The following SCN8A variants were observed in gnomAD, a reference collection of about 807,000 sequenced individuals.
SCN8A encodes the protein sodium channel protein type 8 subunit alpha.
In SCN8A, 30 loss-of-function variants were observed where a neutral mutation model predicts 184.1. That is an observed-to-expected ratio of 0.16 (90% CI 0.12 to 0.22). SCN8A has a LOEUF of 0.22. Ranked by LOEUF, SCN8A falls within the 10% of genes least tolerant of loss-of-function variation. SCN8A has a pLI of 1.00. For synonymous variants in SCN8A, 852 were observed against 907.0 expected (o/e 0.94, Z 1.09); for missense variants, 1,057 against 2,498.9 (o/e 0.42, Z 12.30).
At chr12:51,713,730 A>G in intron 11 of SCN8A, 1 of 344,920 alleles carries the variant, frequency 2.9e-6, no homozygotes, top group East Asian at 4.6e-5. Context: ...AAGTATTTTA[A>G]TTGCTCTATT....
chr12:51,723,805 G>C (rs757746283), intron 12 of SCN8A, among the ~76,000 whole-genome samples: 1 of 151,732 alleles, frequency 6.6e-6, no homozygotes, highest in African/African-American at 2.4e-5. Flanking sequence ...CCAAGATTGC[G>C]CCACTGCACT....
At chr12:51,783,056 G>A (rs1466311822) in intron 21 of SCN8A, among the ~76,000 whole-genome samples, 1 of 152,180 alleles carries the variant, frequency 6.6e-6, no homozygotes, top group Non-Finnish European at 1.5e-5. Context: ...TGCATTAAGG[G>A]AAGCTTTGGA....
chr12:51,701,184 C>T lies in SCN8A; in HGVS notation c.969C>T (p.Leu323=), dbSNP rs1228065671. 3.1e-6 allele frequency: 5 copies of T among 1,611,324 alleles called. No homozygotes were observed. Among genetic ancestry groups the T allele is most frequent in the Non-Finnish European group, 4.2e-6 (5 of 1,178,740 alleles). ...TTCCTGGCATGCTGGAACCTTTACTCTGTGGGAACAGTTCTGATGCTGGGT... is the reference window on the plus strand; with the variant it reads ...TTCCTGGCATGCTGGAACCTTTACTTTGTGGGAACAGTTCTGATGCTGGGT... The part of the protein sequence containing the change: ...YTVPGMLEPL[L]CGNSSDAGQC... Residue 323 remains leucine, a synonymous_variant, in exon 8 of 27, where the codon CTC becomes CTT. Coordinates refer to ENST00000627620, the MANE Select transcript of SCN8A (RefSeq NM_001330260.2).
At chr12:51,601,319 C>G (rs1939457972) in intron 1 of SCN8A, among the ~76,000 whole-genome samples, 1 of 151,954 alleles carries the variant, frequency 6.6e-6, no homozygotes, top group Admixed American at 6.6e-5. Context: ...TCTAGAAATG[C>G]AGGAGAGGGT....
rs982276734 is a variant in SCN8A, at chr12:51,748,978, C to T, written c.2132-2377C>T. 1.4e-4 allele frequency among the ~76,000 whole-genome samples: 22 copies of T among 152,292 alleles called. 1 individual carries two copies. Among genetic ancestry groups the T allele is most frequent in the Admixed American group, 9.8e-4 (15 of 15,302 alleles). On this transcript the variant is annotated intron_variant, in intron 13 of 26. Transcript: ENST00000627620. ...TCCCAGTACCCCTGAGGTTAAGACC[C>T]AAAGTAACCTCTCTGAAAATGTCCA... is the stretch of plus-strand genomic sequence containing the variant.
chr12:51,771,965 A>T (rs569422067), intron 19 of SCN8A, among the ~76,000 whole-genome samples: 128 of 152,388 alleles, frequency 8.4e-4, no homozygotes, highest in African/African-American at 3.0e-3. Context: ...ACAAAAAAGA[A>T]TAAAGCAGTA....
intron 2 of SCN8A, among the ~76,000 whole-genome samples, chr12:51,671,880 T>G (rs1941137587): frequency 6.6e-6 from 1 of 152,180 alleles, no homozygotes; most frequent in Non-Finnish European, 1.5e-5. Flanking sequence ...TGAAGATGCA[T>G]TTCTATTCCA....
chr12:51,792,266 A>T (rs1938278033), intron 25 of SCN8A, among the ~76,000 whole-genome samples: 1 of 148,064 alleles, frequency 6.8e-6, no homozygotes, highest in Non-Finnish European at 1.5e-5. Flanking sequence ...AGATCGCTTG[A>T]GCCTAGGAGT....
At chr12:51,670,965 C>A (rs1174180781) in intron 2 of SCN8A, among the ~76,000 whole-genome samples, 3 of 152,016 alleles carry the variant, frequency 2.0e-5, no homozygotes, top group African/African-American at 7.3e-5. Context: ...ACATAACAAA[C>A]AAATACGGAA....
chr12:51,723,344 G>A (rs1216246208), intron 12 of SCN8A, among the ~76,000 whole-genome samples: 1 of 152,146 alleles, frequency 6.6e-6, no homozygotes, highest in Non-Finnish European at 1.5e-5. Flanking sequence ...AGAAACATTA[G>A]CCAGGCATGG....
At chr12:51,754,689 G>A (rs912762930) in intron 14 of SCN8A, among the ~76,000 whole-genome samples, 1 of 152,322 alleles carries the variant, frequency 6.6e-6, no homozygotes, top group Non-Finnish European at 1.5e-5. Flanking sequence ...GCCTGGAGGA[G>A]TTCCTCAGTC....
chr12:51,672,011 G>A (rs1350495292), intron 2 of SCN8A, among the ~76,000 whole-genome samples: 1 of 152,068 alleles, frequency 6.6e-6, no homozygotes, highest in Non-Finnish European at 1.5e-5. Flanking sequence ...CCCTGTCTTT[G>A]ACCCTGTGCC....
intron 16 of SCN8A, 162 bp downstream of exon 16, chr12:51,766,189 G>A (rs899519969): frequency 4.0e-5 from 27 of 669,972 alleles, no homozygotes; most frequent in Non-Finnish European, 6.4e-5. Context: ...ATGAAGGAGA[G>A]GAGAGAGATA....
At chr12:51,769,620 A>C (rs1347889357) in intron 17 of SCN8A, among the ~76,000 whole-genome samples, 1 of 152,160 alleles carries the variant, frequency 6.6e-6, no homozygotes, top group Non-Finnish European at 1.5e-5. Context: ...TATAGCCCTG[A>C]AACCAACCTA....
intron 6 of SCN8A, among the ~76,000 whole-genome samples, chr12:51,695,068 AGCC>A (rs1344082491): frequency 1.3e-5 from 2 of 152,182 alleles, no homozygotes; most frequent in African/African-American, 4.8e-5. Flanking sequence ...GAAAACATGA[AGCC>A]GCATCACCTT....
intron 13 of SCN8A, among the ~76,000 whole-genome samples, chr12:51,748,289 CAA>C (rs1450343667): frequency 6.6e-6 from 1 of 152,218 alleles, no homozygotes; most frequent in South Asian, 2.1e-4. Flanking sequence ...ATTTAAAACC[CAA>C]GAGGCAGGCT....
chr12:51,648,173 T>G (rs1940632678), intron 1 of SCN8A, among the ~76,000 whole-genome samples: 2 of 152,252 alleles, frequency 1.3e-5, no homozygotes, highest in South Asian at 4.2e-4. Flanking sequence ...TTTACATTCA[T>G]CTCAAAAACA....
intron 26 of SCN8A, among the ~76,000 whole-genome samples, chr12:51,799,418 A>G (rs1359723876): frequency 5.9e-5 from 9 of 152,104 alleles, no homozygotes; most frequent in African/African-American, 2.2e-4. Context: ...TTCAGTTTCC[A>G]CCAAAGCCCA....
At chr12:51,645,442 T>C (rs1240815681) in intron 1 of SCN8A, among the ~76,000 whole-genome samples, 86 of 152,094 alleles carry the variant, frequency 5.7e-4, no homozygotes, top group Non-Finnish European at 9.4e-4. Context: ...GCCACCACCC[T>C]GTCTGGGAGG....
Sources: allele counts gnomAD v4.1 joint callset (sites outside exome capture counted in the v4.1 genomes callset), GRCh38; gene constraint gnomAD v4.1.1; transcripts MANE v1.5; gene names NCBI Gene and HGNC (gene_info 2026-07-23, HGNC 2026-07-21).